The following EPM2A variants were observed in gnomAD, a reference collection of about 807,000 sequenced individuals.
EPM2A encodes the protein laforin.
A neutral mutation model predicts 26.5 loss-of-function variants in EPM2A; 21 were observed. That is an observed-to-expected ratio of 0.79 (90% CI 0.56 to 1.14). The LOEUF (loss-of-function observed/expected upper bound fraction) is 1.14. EPM2A is among the 50% of genes most tolerant of loss of function. The pLI is 0.00. For synonymous variants in EPM2A, 217 were observed against 177.6 expected, an observed-to-expected ratio of 1.22 and a Z score of -1.76; for missense variants, 458 against 440.8, an observed-to-expected ratio of 1.04 and a Z score of -0.35.
chr6:145,604,498 C>G (rs200951595), intron 2 of EPM2A, among the ~76,000 whole-genome samples: 4 of 151,940 alleles, frequency 2.6e-5, no homozygotes, highest in Admixed American at 2.0e-4. Flanking sequence ...ATTGAGTCTG[C>G]AAAAAACCAC....
At chr6:145,473,200 AG>A (rs529755640) in intron 4 of EPM2A, among the ~76,000 whole-genome samples, 7 of 152,202 alleles carry the variant, frequency 4.6e-5, no homozygotes, top group Middle Eastern at 6.8e-3. Flanking sequence ...AATTTAACAA[AG>A]AGATTGAAGT....
At chr6:145,462,426 AT>A (rs1463807643) in intron 4 of EPM2A, among the ~76,000 whole-genome samples, 1 of 152,146 alleles carries the variant, frequency 6.6e-6, no homozygotes, top group Non-Finnish European at 1.5e-5. Context: ...ACATAAGTAT[AT>A]TTTTCCACAG....
chr6:145,470,522 AT>A (rs926997977), intron 4 of EPM2A, among the ~76,000 whole-genome samples: 1 of 152,086 alleles, frequency 6.6e-6, no homozygotes. Context: ...TCAATAATTT[AT>A]TTTTATATTT....
At chr6:145,710,775 G>A (rs1775269474) in intron 1 of EPM2A, among the ~76,000 whole-genome samples, 1 of 152,034 alleles carries the variant, frequency 6.6e-6, no homozygotes, top group South Asian at 2.1e-4. Context: ...TATACACCAT[G>A]GAATACTATG....
At chr6:145,506,396 G>A (rs411641) in intron 2 of EPM2A, among the ~76,000 whole-genome samples, 68,383 of 151,698 alleles carry the variant, frequency 0.45, 15,442 homozygotes, top group South Asian at 0.59. Context: ...GACAACAGAC[G>A]CCTTAGACAT....
intron 3 of EPM2A, among the ~76,000 whole-genome samples, chr6:145,633,522 C>G (rs1776420809): frequency 6.6e-6 from 1 of 152,190 alleles, no homozygotes; most frequent in Non-Finnish European, 1.5e-5. Context: ...TCTCCACCTT[C>G]AGGAACAAAC....
chr6:145,720,083 A>C (rs1036397388), intron 1 of EPM2A, among the ~76,000 whole-genome samples: 2 of 152,216 alleles, frequency 1.3e-5, no homozygotes, highest in African/African-American at 4.8e-5. Flanking sequence ...ATGGATTCTA[A>C]GTACATCCCT....
At position 145,503,595 on chromosome 6, in the gene EPM2A, G is replaced by A. The variant is rs12190228; in HGVS notation, c.341-1020C>T. 8.3e-3 allele frequency among the ~76,000 whole-genome samples: 738 copies of A among 89,164 alleles called. 2 individuals are homozygous for A. Among genetic ancestry groups the A allele is most frequent in the Non-Finnish European group, 0.012 (551 of 45,630 alleles). The allele number at this position is 89,164 out of a possible 152,430, so 58.5% of individuals were successfully genotyped here. On this transcript the variant is annotated intron_variant, in intron 2 of 3. Coordinates refer to the EPM2A transcript ENST00000450221. ...ACCACTGCTCAAGGAAATAAAAGAG[G>A]ACACAAACAAATGGAAGAACATTCC...
At chr6:145,630,023 T>C (rs1776130190) in intron 3 of EPM2A, 1 of 152,248 alleles carries the variant, frequency 6.6e-6, no homozygotes, top group Non-Finnish European at 1.5e-5. Flanking sequence ...CTGCACCAAA[T>C]AGCACAAATG....
chr6:145,541,300 G>T (rs1042575159), intron 2 of EPM2A, among the ~76,000 whole-genome samples: 4 of 146,518 alleles, frequency 2.7e-5, no homozygotes, highest in African/African-American at 1.0e-4. Flanking sequence ...ACACCAATTT[G>T]TGTGTGTGTG....
In EPM2A at chr6:145,490,677, G is replaced by GCGTT. The variant is rs1476836700; in HGVS notation, c.555+11841_555+11844dup. 14 of 607,926 alleles carry GCGTT rather than the reference G, an allele frequency of 2.3e-5. No homozygotes were observed. The East Asian group carries it at 5.3e-4, about 23-fold the overall frequency. 37.7% of individuals were successfully genotyped at this position (607,926 alleles called of 1,614,324 possible). Reference sequence around the variant, plus strand: ...AACTCTCAGTAGAGTGTGATTTCATGCGTTCCTTCAAATGATAAAACAATT... The same window carrying GCGTT: ...AACTCTCAGTAGAGTGTGATTTCATGCGTTCGTTCCTTCAAATGATAAAACAATT... On this transcript the variant is annotated intron_variant, in intron 4 of 4. Transcript: ENST00000638717.
chr6:145,393,918 A>G (rs981247826), intron 4 of EPM2A, among the ~76,000 whole-genome samples: 1 of 150,480 alleles, frequency 6.6e-6, no homozygotes, highest in African/African-American at 2.5e-5. Flanking sequence ...CTGCCTCCCC[A>G]GTTCAAGTGA....
At chr6:145,720,940 C>A (rs938812227) in intron 1 of EPM2A, 2 of 152,154 alleles carry the variant, frequency 1.3e-5, no homozygotes, top group Non-Finnish European at 2.9e-5. Flanking sequence ...GCAGGTGGAT[C>A]ACTTGTGCTT....
chr6:145,450,309 C>T (rs533650080), intron 4 of EPM2A, among the ~76,000 whole-genome samples: 47 of 144,756 alleles, frequency 3.2e-4, no homozygotes, highest in South Asian at 1.6e-3. Context: ...GCCGAGATCG[C>T]GCCACTGCAC....
At chr6:145,574,717 G>T (rs1229577466) in intron 2 of EPM2A, among the ~76,000 whole-genome samples, 1 of 152,150 alleles carries the variant, frequency 6.6e-6, no homozygotes, top group Non-Finnish European at 1.5e-5. Context: ...CTCACTCACA[G>T]TGGGCATCTT....
chr6:145,627,072 G>C lies in EPM2A; in HGVS notation c.*344C>G. On this transcript the variant is annotated 3_prime_UTR_variant, in exon 4 of 4. Coordinates refer to ENST00000367519, the MANE Select transcript of EPM2A (RefSeq NM_005670.4). Reference sequence around the variant, plus strand: ...CCAAGAGTTTCAGTGCAACAGGAAAGTGCTGTCACGGATCCATCGTGCAAC... The same window carrying C: ...CCAAGAGTTTCAGTGCAACAGGAAACTGCTGTCACGGATCCATCGTGCAAC... 1 of 1,197,324 alleles carries C rather than the reference G, an allele frequency of 8.4e-7. No homozygotes were observed. Among genetic ancestry groups the C allele is most frequent in the Non-Finnish European group, 1.0e-6 (1 of 955,576 alleles). 74.2% of individuals were successfully genotyped at this position (1,197,324 alleles called of 1,614,324 possible).
chr6:145,658,110 C>T (rs949701508), intron 2 of EPM2A, among the ~76,000 whole-genome samples: 2 of 152,250 alleles, frequency 1.3e-5, no homozygotes, highest in East Asian at 3.9e-4. Context: ...AGAAAGCAGC[C>T]CAAGACAATA....
At chr6:145,413,273 A>G (rs780835022) in intron 4 of EPM2A, among the ~76,000 whole-genome samples, 49 of 152,244 alleles carry the variant, frequency 3.2e-4, no homozygotes, top group Non-Finnish European at 5.6e-4. Context: ...ATTTCAGAGC[A>G]TGATTCCCAA....
At chr6:145,637,187 A>G (rs1438689330) in intron 2 of EPM2A, 1 of 152,234 alleles carries the variant, frequency 6.6e-6, no homozygotes, top group African/African-American at 2.4e-5. Context: ...TTTACTTTGC[A>G]TTGCATTGTA....
Sources: gnomAD v4.1 joint callset for allele counts (sites outside exome capture counted in the v4.1 genomes callset) on GRCh38, gnomAD v4.1.1 for gene constraint, MANE v1.5 for transcripts, NCBI Gene and HGNC (gene_info 2026-07-23, HGNC 2026-07-21) for gene names.